The following HSPA13 variants were observed in gnomAD, a reference collection of about 807,000 sequenced individuals.
HSPA13 encodes the protein heat shock protein family A (Hsp70) member 13.
In HSPA13, 29 loss-of-function variants were observed where a neutral mutation model predicts 38.8. The ratio of observed to expected loss-of-function variants is 0.75; its 90% CI spans 0.56 to 1.02. The LOEUF (loss-of-function observed/expected upper bound fraction) is 1.02, where lower values mean the gene tolerates loss of function less well. Ranked by LOEUF, HSPA13 falls within the 50% of genes least tolerant of loss-of-function variation. The pLI, the probability that HSPA13 is intolerant of heterozygous loss-of-function variation, is 0.00. For synonymous variants in HSPA13, 192 were observed against 205.3 expected, an observed-to-expected ratio of 0.94 and a Z score of 0.56; for missense variants, 451 against 560.9, an observed-to-expected ratio of 0.80 and a Z score of 1.98.
At chr21:14,377,499 C>A (rs1023992384) in intron 3 of HSPA13, among the ~76,000 whole-genome samples, 4 of 152,090 alleles carry the variant, frequency 2.6e-5, no homozygotes, top group Non-Finnish European at 5.9e-5. Context: ...AAATTATAAA[C>A]CTGTATAAAA....
chr21:14,381,596 T>C, intron 1 of HSPA13, 53 bp from the exon 2 acceptor site: 1 of 1,388,810 alleles, frequency 7.2e-7, no homozygotes, highest in Non-Finnish European at 9.6e-7. Flanking sequence ...TACAATGTAC[T>C]AAATTACTGT....
At position 14,375,719 on chromosome 21, in the gene HSPA13, G is replaced by A. The variant is rs1480329529; in HGVS notation, c.681C>T (p.Gly227=). 1.2e-6 allele frequency: 2 copies of A among 1,613,942 alleles called. No homozygotes were observed. The highest frequency in any genetic ancestry group is 1.7e-6 in the Non-Finnish European group (2 of 1,179,906). Residue 227 remains glycine, a synonymous_variant, in exon 4 of 5, where the codon GGC becomes GGT. Transcript: ENST00000285667. ...GTAAAGACACATCTAGAGTTCCTCC[G>A]CCCAAGTCTATCACCAAGACGTGGA... The part of the protein sequence containing the change: ...DVFHVLVIDL[G]GGTLDVSLLN...
chr21:14,382,426 G>A (rs1462657374), intron 1 of HSPA13, among the ~76,000 whole-genome samples: 2 of 152,118 alleles, frequency 1.3e-5, no homozygotes, highest in Non-Finnish European at 2.9e-5. Context: ...GGTATCAGGA[G>A]GCTGTGTTAT....
chr21:14,380,327 T>C (rs1600806491), intron 2 of HSPA13, among the ~76,000 whole-genome samples: 1 of 150,156 alleles, frequency 6.7e-6, no homozygotes, highest in East Asian at 1.9e-4. Context: ...GAAGGTCTTT[T>C]ATAGCTCACT....
rs1178835431 is a variant in HSPA13, at chr21:14,374,217, A to G, written c.816T>C (p.Tyr272=). The change falls in exon 5 of 5, where the codon TAT becomes TAC. Residue 272 remains tyrosine, a synonymous_variant. Transcript: ENST00000285667. ...TAGAGGGCACGAAGCCATATGTTTG[A>G]TAGATCTGTTTATATAAGTACTGAA... ...RLLQYLYKQI[Y]QTYGFVPSRK... 2 of 1,612,890 alleles carry G rather than the reference A, an allele frequency of 1.2e-6. No individual in the cohort carries two copies. The highest frequency in any genetic ancestry group is 2.7e-5 in the African/African-American group (2 of 74,920).
chr21:14,382,642 G>A (rs1984199830), intron 1 of HSPA13, among the ~76,000 whole-genome samples: 1 of 151,992 alleles, frequency 6.6e-6, no homozygotes, highest in Non-Finnish European at 1.5e-5. Flanking sequence ...TGTGGGTGGG[G>A]GATAGGTAAT....
At chr21:14,382,697 T>A (rs1283949404) in intron 1 of HSPA13, among the ~76,000 whole-genome samples, 3 of 152,130 alleles carry the variant, frequency 2.0e-5, no homozygotes, top group Non-Finnish European at 4.4e-5. Context: ...TCAGCATCCC[T>A]GAGCCGACAG....
In HSPA13 at chr21:14,373,690, C is replaced by T; in HGVS notation, c.1343G>A (p.Gly448Glu). The T allele has an allele frequency of 2.5e-6, 4 of 1,614,152 alleles. No homozygotes were observed. Among genetic ancestry groups the T allele is most frequent in the Non-Finnish European group, 3.4e-6 (4 of 1,180,012 alleles). ...TGVAIQAGID[G>E]GSWPLQVSAL... is the part of the protein sequence containing the mutation. Reference sequence around the variant, plus strand: ...ACTGACTTGGAGAGGCCAAGAGCCTCCATCAATCCCTGCTTGGATAGCCAC... The same window carrying T: ...ACTGACTTGGAGAGGCCAAGAGCCTTCATCAATCCCTGCTTGGATAGCCAC... Residue 448 changes from glycine to glutamate, a missense_variant, in exon 5 of 5, where the codon GGA (glycine) becomes GAA (glutamate). Gly to Glu is a moderately conservative substitution (Grantham distance 98). Coordinates refer to ENST00000285667, the MANE Select transcript of HSPA13 (RefSeq NM_006948.5).
At position 14,373,379 on chromosome 21, in the gene HSPA13, C is replaced by A; in HGVS notation, c.*238G>T. 2.2e-6 allele frequency: 1 copy of A among 461,848 alleles called. No individual in the cohort carries two copies. Among genetic ancestry groups the A allele is most frequent in the Non-Finnish European group, 3.8e-6 (1 of 260,466 alleles). 28.6% of individuals were successfully genotyped at this position (461,848 alleles called of 1,614,324 possible). On this transcript the variant is annotated 3_prime_UTR_variant, in exon 5 of 5. Transcript: ENST00000285667. ...TCCATACTCTTTTAAGAGAGTTGTA[C>A]CTCAATTTTATCATTTTAGAGTATT...
At chr21:14,381,147 A>G in intron 2 of HSPA13, 56 bp downstream of exon 2, 1 of 1,295,920 alleles carries the variant, frequency 7.7e-7, no homozygotes, top group Non-Finnish European at 1.1e-6. Context: ...ATGAAGCCAA[A>G]GCATTAACTA....
rs1982845959 is a variant in HSPA13 at position 14,372,302 on chromosome 21, T to C, written c.*1315A>G. Reference sequence around the variant, plus strand: ...GCATTCCTCTATTAAGGAAAATATGTATATATATATATAATCTGTATCCAT... The same window carrying C: ...GCATTCCTCTATTAAGGAAAATATGCATATATATATATAATCTGTATCCAT... On this transcript the variant is annotated 3_prime_UTR_variant, in exon 5 of 5. Coordinates refer to ENST00000285667, the MANE Select transcript of HSPA13 (RefSeq NM_006948.5). The C allele has an allele frequency of 6.6e-6, 1 of 151,092 alleles. No individual in the cohort carries two copies. Among genetic ancestry groups the C allele is most frequent in the Non-Finnish European group, 1.5e-5 (1 of 67,704 alleles). 9.4% of individuals were successfully genotyped at this position (151,092 alleles called of 1,614,324 possible).
rs2123522180 is a variant in HSPA13 at position 14,374,211 on chromosome 21, T to C, written c.822A>G (p.Thr274=). 6.2e-7 allele frequency: 1 copy of C among 1,613,226 alleles called. No homozygotes were observed. The highest frequency in any genetic ancestry group is 8.5e-7 in the Non-Finnish European group (1 of 1,179,992). Residue 274 remains threonine (T), a synonymous_variant, in exon 5 of 5, where the codon ACA becomes ACG. Coordinates refer to ENST00000285667, the MANE Select transcript of HSPA13 (RefSeq NM_006948.5). ...LQYLYKQIYQ[T]YGFVPSRKEE... ...CTTTCCTAGAGGGCACGAAGCCATA[T>C]GTTTGATAGATCTGTTTATATAAGT...
chr21:14,381,263 G>A lies in HSPA13; in HGVS notation c.306C>T (p.Phe102=), dbSNP rs950250679. The A allele has an allele frequency of 6.2e-7, 1 of 1,612,532 alleles. No individual in the cohort carries two copies. The highest frequency in any genetic ancestry group is 8.5e-7 in the Non-Finnish European group (1 of 1,178,906). ...CTTCTGCGGTAAAAATCTTGCCTAT[G>A]AATCTTTTGGCATCATATATTGTGT... The part of the protein sequence containing the change: ...PQNTIYDAKR[F]IGKIFTAEEL... Residue 102 remains phenylalanine, a synonymous_variant, in exon 2 of 5, where the codon TTC becomes TTT. Transcript: ENST00000285667.
chr21:14,374,132 G>A lies in HSPA13; in HGVS notation c.901C>T (p.Leu301Phe), dbSNP rs969178407. The A allele has an allele frequency of 2.5e-6, 4 of 1,614,086 alleles. No individual in the cohort carries two copies. In the South Asian group the frequency reaches 4.4e-5, roughly 18 times the overall value. Residue 301 changes from leucine (L) to phenylalanine (F), a missense_variant, in exon 5 of 5, where the codon CTT becomes TTT. Physicochemically the swap from Leu to Phe is conservative, Grantham distance 22 (BLOSUM62 0). Coordinates refer to ENST00000285667, the MANE Select transcript of HSPA13 (RefSeq NM_006948.5). ...ACTGACAACTGAGCAGATTGATGAAGAGTCAGATTTAATTTGACCATTTCC... is the reference window on the plus strand; with the variant it reads ...ACTGACAACTGAGCAGATTGATGAAAAGTCAGATTTAATTTGACCATTTCC... Reference protein sequence around the residue: ...AVEMVKLNLTLHQSAQLSVLL... With the variant: ...AVEMVKLNLTFHQSAQLSVLL...
rs1338870019 is a variant in HSPA13 at position 14,378,337 on chromosome 21, C to T, written c.442G>A (p.Gly148Ser). Residue 148 changes from glycine (G) to serine (S), a missense_variant, in exon 3 of 5, where the codon GGC (glycine) becomes AGC (serine). Coordinates refer to ENST00000285667, the MANE Select transcript of HSPA13 (RefSeq NM_006948.5). Reference sequence around the variant, plus strand: ...TTTAACTTCAACAATAGTCGAGAGCCAACATATTCTGGGGACACTGTGATG... The same window carrying T: ...TTTAACTTCAACAATAGTCGAGAGCTAACATATTCTGGGGACACTGTGATG... ...ETITVSPEYV[G>S]SRLLLKLKEM... 1.2e-6 allele frequency: 2 copies of T among 1,614,058 alleles called. No individual in the cohort carries two copies. Among genetic ancestry groups the T allele is most frequent in the Admixed American group, 3.3e-5 (2 of 60,020 alleles).
chr21:14,378,463 C>T, intron 2 of HSPA13, 51 bp from the exon 3 acceptor site: 3 of 1,178,838 alleles, frequency 2.5e-6, no homozygotes, highest in Non-Finnish European at 3.8e-6. Flanking sequence ...TAAAAGCATA[C>T]AGACATACAT....
chr21:14,371,701 AG>A lies in HSPA13; in HGVS notation c.*1915del, dbSNP rs1982830794. On this transcript the variant is annotated 3_prime_UTR_variant, in exon 5 of 5. Transcript: ENST00000285667. ...CCCTATTTTGTCAATTGTTTCCAAA[AG>A]CATTAACGGATTAAGAGACTGTCTT... 6.6e-6 allele frequency: 1 copy of A among 152,146 alleles called. No homozygotes were observed. The highest frequency in any genetic ancestry group is 2.1e-4 in the South Asian group (1 of 4,836). 9.4% of individuals were successfully genotyped at this position (152,146 alleles called of 1,614,324 possible).
intron 2 of HSPA13, 127 bp downstream of exon 2, chr21:14,381,076 G>T: frequency 1.4e-6 from 1 of 704,722 alleles, no homozygotes; most frequent in Non-Finnish European, 2.3e-6. Context: ...CTGGTTATGT[G>T]AGATAACAGA....
intron 3 of HSPA13, among the ~76,000 whole-genome samples, chr21:14,377,048 G>A (rs890384766): frequency 2.6e-5 from 4 of 152,208 alleles, no homozygotes; most frequent in Admixed American, 6.5e-5. Flanking sequence ...ACCACTTGGT[G>A]GAGGAGGGCG....
Sources: allele counts gnomAD v4.1 joint callset (sites outside exome capture counted in the v4.1 genomes callset), GRCh38; gene constraint gnomAD v4.1.1; transcripts MANE v1.5; gene names NCBI Gene and HGNC (gene_info 2026-07-23, HGNC 2026-07-21).